Variants in MAST4 observed in about 807,000 individuals in gnomAD.
MAST4 encodes microtubule-associated serine/threonine-protein kinase 4.
MAST4 carries 89 observed loss-of-function variants against 162.7 expected under a neutral mutation model. The observed-to-expected ratio is 0.55, with a 90% confidence interval of 0.46 to 0.65. MAST4 has a LOEUF of 0.65. MAST4 is among the 30% of genes least tolerant of loss of function. The pLI, the probability that MAST4 is intolerant of heterozygous loss-of-function variation, is 0.00. For synonymous variants in MAST4, 1,479 were observed against 1,361.1 expected, an observed-to-expected ratio of 1.09 and a Z score of -1.91; for missense variants, 3,153 against 3,374.0, an observed-to-expected ratio of 0.93 and a Z score of 1.62.
intron 1 of MAST4, among the ~76,000 whole-genome samples, chr5:66,728,049 C>T (rs1751628986): frequency 6.6e-6 from 1 of 152,060 alleles, no homozygotes; most frequent in African/African-American, 2.4e-5. Flanking sequence ...ATACCATATA[C>T]TGGGTTTGAT....
At chr5:67,110,349 A>G in intron 11 of MAST4, 150 bp downstream of exon 11, 1 of 613,176 alleles carries the variant, frequency 1.6e-6, no homozygotes, top group Non-Finnish European at 2.9e-6. Context: ...GATGATGTCG[A>G]TATGTGACTT....
intron 14 of MAST4, among the ~76,000 whole-genome samples, chr5:67,128,896 T>C (rs1217018427): frequency 6.6e-6 from 1 of 152,214 alleles, no homozygotes; most frequent in Admixed American, 6.5e-5. Context: ...TTCAAACCTG[T>C]TCCCCCATGA....
intron 1 of MAST4, among the ~76,000 whole-genome samples, chr5:66,706,067 G>T (rs1280367699): frequency 6.6e-6 from 1 of 152,114 alleles, no homozygotes. Context: ...CTTGGAAAAA[G>T]AATCAATTAT....
chr5:66,738,115 C>A (rs187868346), intron 1 of MAST4: 3 of 152,164 alleles, frequency 2.0e-5, no homozygotes, highest in Admixed American at 6.5e-5. Flanking sequence ...CAACCCATGA[C>A]ATAAAGCACA....
chr5:67,155,990 C>T (rs1448370928), intron 26 of MAST4, among the ~76,000 whole-genome samples: 3 of 148,078 alleles, frequency 2.0e-5, no homozygotes, highest in African/African-American at 5.0e-5. Flanking sequence ...ACCCGGGAGG[C>T]GGAGGTTGCA....
intron 4 of MAST4, among the ~76,000 whole-genome samples, chr5:66,928,412 G>T (rs1580907691): frequency 6.6e-6 from 1 of 152,342 alleles, no homozygotes; most frequent in South Asian, 2.1e-4. Context: ...GGGTTCATTT[G>T]CCAGTTTGCA....
chr5:66,735,357 G>T (rs896888559), intron 1 of MAST4, among the ~76,000 whole-genome samples: 3 of 152,054 alleles, frequency 2.0e-5, no homozygotes, highest in Non-Finnish European at 4.4e-5. Flanking sequence ...AATTACTATT[G>T]CTTGTAAAAA....
chr5:67,028,324 A>G (rs6866433), intron 4 of MAST4, among the ~76,000 whole-genome samples: 43,952 of 151,994 alleles, frequency 0.29, 7,234 homozygotes, highest in African/African-American at 0.43. Flanking sequence ...TTGAGGAGCA[A>G]TTCCATTAGA....
chr5:66,965,403 G>A (rs909107917), intron 4 of MAST4, among the ~76,000 whole-genome samples: 5 of 151,512 alleles, frequency 3.3e-5, no homozygotes, highest in Non-Finnish European at 7.4e-5. Context: ...AAGGCAATAG[G>A]CTATTCAATA....
Position 66,752,178 on chromosome 5 carries a change from T to C in MAST4, c.364-7531T>C, listed in dbSNP as rs181146071. 8.3e-3 allele frequency among the ~76,000 whole-genome samples: 1,263 copies of C among 151,720 alleles called. 9 individuals are homozygous for C. Among genetic ancestry groups the C allele is most frequent in the South Asian group, 0.041 (196 of 4,738 alleles). On this transcript the variant is annotated intron_variant, in intron 1 of 28. Coordinates refer to ENST00000403625, the MANE Select transcript of MAST4 (RefSeq NM_001164664.2). Reference sequence around the variant, plus strand: ...ATGGAAAGGAACAACCGGTACCAGCTGCTGCAAAATCATGGCAAAATGTAA... The same window carrying C: ...ATGGAAAGGAACAACCGGTACCAGCCGCTGCAAAATCATGGCAAAATGTAA...
chr5:66,614,067 A>G (rs906798939), intron 1 of MAST4, among the ~76,000 whole-genome samples: 2 of 152,326 alleles, frequency 1.3e-5, no homozygotes, highest in East Asian at 3.9e-4. Context: ...GGTGCTAGGT[A>G]TAAATGTCTA....
chr5:66,706,044 A>C (rs1441264686), intron 1 of MAST4, among the ~76,000 whole-genome samples: 1 of 152,188 alleles, frequency 6.6e-6, no homozygotes, highest in African/African-American at 2.4e-5. Context: ...GCTGCTTTGC[A>C]TCTTAAAATA....
At chr5:66,805,217 G>A (rs1053006685) in intron 3 of MAST4, among the ~76,000 whole-genome samples, 38 of 152,174 alleles carry the variant, frequency 2.5e-4, no homozygotes, top group African/African-American at 7.5e-4. Context: ...AGTTATTCCA[G>A]CAGTATTACT....
intron 4 of MAST4, among the ~76,000 whole-genome samples, chr5:67,002,464 A>C (rs1185395155): frequency 6.6e-6 from 1 of 152,178 alleles, no homozygotes. Context: ...GCCTTGAGGA[A>C]CTCAGACTAA....
intron 1 of MAST4, among the ~76,000 whole-genome samples, chr5:66,750,792 C>T (rs1273257558): frequency 6.6e-6 from 1 of 152,236 alleles, no homozygotes; most frequent in Non-Finnish European, 1.5e-5. Flanking sequence ...GTGGAGCCCA[C>T]CACAGCTCAA....
rs60766673 is a variant in MAST4 at position 66,767,170 on chromosome 5, CGTGTGTGTGTGTGTGT to C, written c.517+7340_517+7355del. Among the ~76,000 whole-genome samples, 25 of 139,560 alleles carry C rather than the reference CGTGTGTGTGTGTGTGT, an allele frequency of 1.8e-4. No individual in the cohort carries two copies. The Middle Eastern group carries it at 0.011, about 60-fold the overall frequency. 91.6% of individuals were successfully genotyped at this position (139,560 alleles called of 152,430 possible). ...TGGTCACAGATGAATGTAAAGTGCA[CGTGTGTGTGTGTGTGT>C]GTGTGTGTGTGTGTGTGTGTGTGTG... On this transcript the variant is annotated intron_variant, in intron 2 of 28. Transcript: ENST00000403625.
Position 67,149,507 on chromosome 5 carries a change from A to G in MAST4, c.3213A>G (p.Leu1071=), listed in dbSNP as rs1005456025. ...EPASHMARQR[L]ESTEKKKISG... ...CTTCTCACATGGCTCGGCAGCGATT[A>G]GAAAGCACAGAAAAAAAGAAAATCT... Residue 1071 remains leucine (L), a synonymous_variant, in exon 24 of 29, where the codon TTA becomes TTG. Coordinates refer to ENST00000403625, the MANE Select transcript of MAST4 (RefSeq NM_001164664.2). The G allele has an allele frequency of 6.2e-7, 1 of 1,613,838 alleles. No homozygotes were observed. The highest frequency in any genetic ancestry group is 8.5e-7 in the Non-Finnish European group (1 of 1,179,860).
chr5:66,605,935 C>T (rs183693858), intron 1 of MAST4, among the ~76,000 whole-genome samples: 21 of 152,232 alleles, frequency 1.4e-4, no homozygotes, highest in Admixed American at 1.1e-3. Flanking sequence ...TGAGGGCAAC[C>T]GTTTTAGAAT....
In MAST4 at chr5:66,929,551, C is replaced by T. The variant is rs77842992; in HGVS notation, c.674+29569C>T. Among the ~76,000 whole-genome samples the T allele has an allele frequency of 3.6e-3, 555 of 152,236 alleles. 2 individuals are homozygous for T. Among genetic ancestry groups the T allele is most frequent in the African/African-American group, 0.013 (521 of 41,532 alleles). On this transcript the variant is annotated intron_variant, in intron 4 of 28. Transcript: ENST00000403625. ...AAATTAACCATCACACTGTACTTCC[C>T]CTTTGCTTTAATGATAAAGCTCTGC... is the stretch of plus-strand genomic sequence containing the variant.
Sources: gnomAD v4.1 joint callset for allele counts (sites outside exome capture counted in the v4.1 genomes callset) on GRCh38, gnomAD v4.1.1 for gene constraint, MANE v1.5 for transcripts, NCBI Gene and HGNC (gene_info 2026-07-23, HGNC 2026-07-21) for gene names.